PLK4: variants seen among roughly 807,000 people sequenced by gnomAD.
PLK4 encodes polo like kinase 4.
Under a neutral mutation model 103.0 loss-of-function variants are expected in PLK4, and 51 were observed. The observed-to-expected ratio is 0.50, with a 90% CI of 0.40 to 0.63. The LOEUF (loss-of-function observed/expected upper bound fraction) is 0.63. Among genes scored for constraint, PLK4 ranks in the 20% least tolerant of loss-of-function variants. The pLI, the probability that PLK4 is intolerant of heterozygous loss-of-function variation, is 0.00. For missense variants in PLK4, 1,054 were observed against 1,151.0 expected (o/e 0.92, Z 1.22); for synonymous variants, 389 against 376.8 (o/e 1.03, Z -0.38).
At chr4:127,881,987 G>A in intron 2 of PLK4, 61 bp downstream of exon 2, 1 of 913,362 alleles carries the variant, frequency 1.1e-6, no homozygotes, top group Non-Finnish European at 1.8e-6. Flanking sequence ...AGGTATCAGA[G>A]ATGTCAGAAA....
Position 127,888,759 on chromosome 4 carries a change from A to G in PLK4, c.1460-1107A>G, listed in dbSNP as rs376217796. 1.6e-4 allele frequency among the ~76,000 whole-genome samples: 25 copies of G among 152,284 alleles called. No homozygotes were observed. The East Asian group carries it at 4.6e-3, about 28-fold the overall frequency. The stretch of plus-strand genomic sequence containing the variant: ...ATGGAAAAAAGAATAAAAGAGACAT[A>G]TGGAGAGGAGGAGATCATTTTTTAC... On this transcript the variant is annotated intron_variant, in intron 6 of 15. Transcript: ENST00000270861.
At chr4:127,894,546 A>G (rs1200714241) in intron 13 of PLK4, among the ~76,000 whole-genome samples, 2 of 152,160 alleles carry the variant, frequency 1.3e-5, no homozygotes, top group African/African-American at 4.8e-5. Flanking sequence ...TATTTTTACT[A>G]GTAAAATATC....
chr4:127,891,973 T>TA (rs1468037656), intron 9 of PLK4: 10 of 219,976 alleles, frequency 4.5e-5, no homozygotes, highest in South Asian at 1.6e-4. Context: ...ATAGTTATGT[T>TA]AAAAAAAATT....
At chr4:127,895,507 C>T (rs568736711) in intron 14 of PLK4, among the ~76,000 whole-genome samples, 23 of 137,004 alleles carry the variant, frequency 1.7e-4, no homozygotes, top group South Asian at 2.3e-4. Context: ...CTGCAAGCTC[C>T]GCCTCCTGGG....
Position 127,896,869 on chromosome 4 carries a change from T to G in PLK4, c.2772T>G (p.Ser924=). The G allele has an allele frequency of 6.2e-7, 1 of 1,611,770 alleles. No individual in the cohort carries two copies. Among genetic ancestry groups the G allele is most frequent in the Non-Finnish European group, 8.5e-7 (1 of 1,177,986 alleles). ...AGTTGGTTGTGCAGGCAGGAGTGTC[T>G]TCTATCAGTTATACCTCACCAAATG... The part of the protein sequence containing the change: ...GSQLVVQAGV[S]SISYTSPNGQ... Residue 924 remains serine (S), a synonymous_variant, in exon 15 of 16, where the codon TCT becomes TCG. Transcript: ENST00000270861.
At chr4:127,889,815 A>T in intron 6 of PLK4, 51 bp from the exon 7 acceptor site, 1 of 1,323,716 alleles carries the variant, frequency 7.6e-7, no homozygotes, top group East Asian at 2.3e-5. Flanking sequence ...TTTTGTGTCG[A>T]CTTGTGTTTT....
In PLK4 at chr4:127,886,729, G is replaced by C. The variant is rs1010560546; in HGVS notation, c.1358+1G>C. 1.3e-6 allele frequency: 2 copies of C among 1,574,834 alleles called. No individual in the cohort carries two copies. Among genetic ancestry groups the C allele is most frequent in the African/African-American group, 1.4e-5 (1 of 73,064 alleles). ...AAAGACCTGATAACAATCAAGCACT[G>C]TAAGAATAATTCTATCAGAGGCATT... On this transcript the variant is annotated splice_donor_variant, in intron 5 of 15. Coordinates refer to ENST00000270861, the MANE Select transcript of PLK4 (RefSeq NM_014264.5). LOFTEE classifies it high-confidence loss of function.
rs1334512805 is a variant in PLK4, at chr4:127,890,040, A to G, written c.1634A>G (p.Tyr545Cys). 4 of 1,613,774 alleles carry G rather than the reference A, an allele frequency of 2.5e-6. No homozygotes were observed. The East Asian group carries it at 6.7e-5, about 27-fold the overall frequency. ...HSVKQQNTMK[Y>C]MTALHSKPEI... is the part of the protein sequence containing the mutation. ...GTAAAACAGCAAAATACCATGAAAT[A>G]TATGACTGCACTTCACAGTAAACCT... The change falls in exon 7 of 16, where the codon TAT (tyrosine) becomes TGT (cysteine). Residue 545 changes from tyrosine to cysteine, a missense_variant. Around this residue, in one of 4 missense-constraint regions of PLK4, gnomAD observed 680 missense variants for 660.3 expected, o/e 1.03. Coordinates refer to ENST00000270861, the MANE Select transcript of PLK4 (RefSeq NM_014264.5).
At position 127,886,315 on chromosome 4, in the gene PLK4, T is replaced by G. The variant is rs1383347617; in HGVS notation, c.945T>G (p.Gly315=). 6.2e-7 allele frequency: 1 copy of G among 1,613,802 alleles called. No individual in the cohort carries two copies. Among genetic ancestry groups the G allele is most frequent in the African/African-American group, 1.3e-5 (1 of 74,922 alleles). The change falls in exon 5 of 16, where the codon GGT becomes GGG. Residue 315 remains glycine (G), a synonymous_variant. Transcript: ENST00000270861. ...SLFDKRRLLI[G]QPLPNKMTVF... ...TTGACAAAAGAAGACTTTTGATTGG[T>G]CAGCCACTCCCAAATAAAATGACTG...
intron 5 of PLK4, 107 bp from the exon 6 acceptor site, chr4:127,887,289 T>C (rs553749730): frequency 9.4e-5 from 61 of 648,302 alleles, no homozygotes; most frequent in Non-Finnish European, 1.5e-4. Flanking sequence ...TATTCTAAAA[T>C]GTTCAGGTAT....
Position 127,885,716 on chromosome 4 carries a change from T to G in PLK4, c.346T>G (p.Phe116Val), listed in dbSNP as rs921026269. The G allele has an allele frequency of 3.7e-6, 6 of 1,607,124 alleles. No individual in the cohort carries two copies. Among genetic ancestry groups the G allele is most frequent in the Non-Finnish European group, 5.1e-6 (6 of 1,176,686 alleles). The change falls in exon 5 of 16, where the codon TTC (phenylalanine) becomes GTC (valine). Residue 116 changes from phenylalanine (F) to valine (V), a missense_variant. Phe to Val is a conservative substitution (Grantham distance 50, BLOSUM62 -1). Transcript: ENST00000270861. Reference protein sequence around the residue: ...KPFSENEARHFMHQIITGMLY... With the variant: ...KPFSENEARHVMHQIITGMLY... ...TTTTAAAATCCTAACAGCTCGACAC[T>G]TCATGCACCAGATCATCACAGGGAT...
chr4:127,898,137 G>A (rs1404765413), intron 15 of PLK4, among the ~76,000 whole-genome samples: 1 of 151,832 alleles, frequency 6.6e-6, no homozygotes, highest in African/African-American at 2.4e-5. Flanking sequence ...CGCCTGTCCG[G>A]GGCCTTTTAA....
Position 127,886,242 on chromosome 4 carries a change from C to G in PLK4, c.872C>G (p.Ser291Cys), listed in dbSNP as rs1735121449. The G allele has an allele frequency of 6.2e-7, 1 of 1,614,052 alleles. No individual in the cohort carries two copies. The highest frequency in any genetic ancestry group is 2.2e-5 in the East Asian group (1 of 44,870). The change falls in exon 5 of 16, where the codon TCT becomes TGT. Residue 291 changes from serine to cysteine, a missense_variant. Coordinates refer to ENST00000270861, the MANE Select transcript of PLK4 (RefSeq NM_014264.5). Reference sequence around the variant, plus strand: ...ATTGATAGTGGGCATGCCACAATTTCTACTGCAATTACAGCTTCTTCCAGT... The same window carrying G: ...ATTGATAGTGGGCATGCCACAATTTGTACTGCAATTACAGCTTCTTCCAGT... Reference protein sequence around the residue: ...DSIDSGHATISTAITASSSTS... With the variant: ...DSIDSGHATICTAITASSSTS...
Position 127,891,611 on chromosome 4 carries a change from T to C in PLK4, c.1968T>C (p.Gly656=). 2 of 1,554,766 alleles carry C rather than the reference T, an allele frequency of 1.3e-6. No homozygotes were observed. The highest frequency in any genetic ancestry group is 1.2e-5 in the South Asian group (1 of 81,888). Residue 656 remains glycine, a synonymous_variant, in exon 9 of 16, where the codon GGT becomes GGC. Transcript: ENST00000270861. ...TTTATTATCCAAATGGTGGTAGAGGTTTTCCTCTTGCTGATAGACCACCCT... is the reference window on the plus strand; with the variant it reads ...TTTATTATCCAAATGGTGGTAGAGGCTTTCCTCTTGCTGATAGACCACCCT... ...ITIYYPNGGR[G]FPLADRPPSP...
rs1326949381 is a variant in PLK4, at chr4:127,890,078, C to G, written c.1672C>G (p.Gln558Glu). Residue 558 changes from glutamine (Q) to glutamate (E), a missense_variant, in exon 7 of 16, where the codon CAA becomes GAA. Coordinates refer to ENST00000270861, the MANE Select transcript of PLK4 (RefSeq NM_014264.5). ...TCACAGTAAACCTGAGATAATCCAA[C>G]AAGAATGTGTTTTTGGCTCAGATCC... Reference protein sequence around the residue: ...ALHSKPEIIQQECVFGSDPLS... With the variant: ...ALHSKPEIIQEECVFGSDPLS... The G allele has an allele frequency of 1.9e-6, 3 of 1,613,996 alleles. No individual in the cohort carries two copies. Among genetic ancestry groups the G allele is most frequent in the Non-Finnish European group, 2.5e-6 (3 of 1,179,920 alleles).
In PLK4 at chr4:127,881,446, TA is replaced by T. The variant is rs1734921729; in HGVS notation, c.30+283del. 1.1e-5 allele frequency: 15 copies of T among 1,317,606 alleles called. No homozygotes were observed. The South Asian group carries it at 2.2e-4, about 19-fold the overall frequency. The allele number at this position is 1,317,606 out of a possible 1,614,324, so 81.6% of individuals were successfully genotyped here. On this transcript the variant is annotated intron_variant, in intron 1 of 15. Coordinates refer to ENST00000270861, the MANE Select transcript of PLK4 (RefSeq NM_014264.5). ...AGCAATCCCGCCCGAGCTACCGCGT[TA>T]GAGCAGGGCAGGGCTACCTCCCACT... is the stretch of plus-strand genomic sequence containing the variant.
At chr4:127,885,312 TACTAAAAAC>T (rs2148817255) in intron 4 of PLK4, among the ~76,000 whole-genome samples, 1 of 151,722 alleles carries the variant, frequency 6.6e-6, no homozygotes, top group South Asian at 2.1e-4. Flanking sequence ...ACCCTGTCTC[TACTAAAAAC>T]ACAAAAAATT....
Position 127,897,824 on chromosome 4 carries a change from C to CTTTTTTTTTTTTTTTTTTTTTTT in PLK4, c.2811-603_2811-581dup, listed in dbSNP as rs200741150. ...TTGGTATTTTTCTGTAGAATTAGGG[C>CTTTTTTTTTTTTTTTTTTTTTTT]TTTTTTTTTTTTTTTTTTTTTTTTT... On this transcript the variant is annotated intron_variant, in intron 15 of 15. Transcript: ENST00000270861. 6.9e-4 allele frequency among the ~76,000 whole-genome samples: 20 copies of CTTTTTTTTTTTTTTTTTTTTTTT among 28,806 alleles called. 8 individuals are homozygous for CTTTTTTTTTTTTTTTTTTTTTTT. The highest frequency in any genetic ancestry group is 1.6e-3 in the African/African-American group (9 of 5,466). 18.9% of individuals were successfully genotyped at this position (28,806 alleles called of 152,430 possible). A position where few individuals can be genotyped will look rare whatever the true frequency, so the allele number is the denominator to read the frequency against.
chr4:127,893,882 G>A lies in PLK4; in HGVS notation c.2562+1G>A, dbSNP rs1473460404. The A allele has an allele frequency of 7.0e-7, 1 of 1,419,450 alleles. No individual in the cohort carries two copies. Among genetic ancestry groups the A allele is most frequent in the African/African-American group, 1.4e-5 (1 of 70,688 alleles). 87.9% of individuals were successfully genotyped at this position (1,419,450 alleles called of 1,614,324 possible). ...ACAGGCACCAATCCTTAATCCCTCTGTAAGTAAATATATGTCACTTCTGTA... is the reference window on the plus strand; with the variant it reads ...ACAGGCACCAATCCTTAATCCCTCTATAAGTAAATATATGTCACTTCTGTA... On this transcript the variant is annotated splice_donor_variant, in intron 13 of 15. Coordinates refer to ENST00000270861, the MANE Select transcript of PLK4 (RefSeq NM_014264.5). LOFTEE classifies it high-confidence loss of function.
Sources: gnomAD v4.1 joint callset for allele counts (sites outside exome capture counted in the v4.1 genomes callset) on GRCh38, gnomAD v4.1.1 for gene constraint, gnomAD v4.1.1 regional missense constraint, MANE v1.5 for transcripts, NCBI Gene and HGNC (gene_info 2026-07-23, HGNC 2026-07-21) for gene names.